TMEM200C: variants seen among roughly 807,000 people sequenced by gnomAD.
TMEM200C encodes transmembrane protein 200C, also known as transmembrane protein TTMA.
For synonymous variants in TMEM200C, 462 were observed against 324.7 expected, an observed-to-expected ratio of 1.42 and a Z score of -4.55; for missense variants, 966 against 699.9, an observed-to-expected ratio of 1.38 and a Z score of -4.29.
chr18:5,889,435 C>G (rs550136605), exon 3 of TMEM200C: 1 of 152,254 alleles, frequency 6.6e-6, no homozygotes, highest in East Asian at 1.9e-4. Context: ...TCGGAAACTT[C>G]TTTTATTAAA....
In TMEM200C at chr18:5,890,472, G is replaced by GAT. The variant is rs1158437801; in HGVS notation, c.1590_1591dup (p.Ser531TyrfsTer25). ...GGGTGTGTAGCCCTTATTGCTGCTG[G>GAT]ATGGGTCATCCGACTGGGAGCTCCC... is the stretch of plus-strand genomic sequence containing the variant. On this transcript the variant is annotated frameshift_variant, in exon 3 of 3. Coordinates refer to ENST00000581347, the Ensembl canonical transcript of TMEM200C. LOFTEE classifies it low-confidence loss of function (END_TRUNC). 1 of 1,563,728 alleles carries GAT rather than the reference G, an allele frequency of 6.4e-7. No individual in the cohort carries two copies. The highest frequency in any genetic ancestry group is 1.8e-5 in the Admixed American group (1 of 55,106).
exon 3 of TMEM200C, chr18:5,890,787 C>T (rs1364582112): frequency 1.5e-6 from 1 of 649,682 alleles, no homozygotes; most frequent in Admixed American, 2.3e-5. Flanking sequence ...CTCTGCGCCG[C>T]GGAGGTTGGT....
chr18:5,891,173 C>G lies in TMEM200C; in HGVS notation c.891G>C (p.Arg297=). ...CCAGGTCCGGCGGGGACGCGGCGCC[C>G]CGAGGGCGGCCGCCGCTCGGCGCCG... The change falls in exon 3 of 3, where the codon CGG becomes CGC. Residue 297 remains arginine, a synonymous_variant. Transcript: ENST00000581347. This position sits in a 1 kb window ranked among gnomAD's most constrained non-coding sequence, Gnocchi z 4.7. 1 of 687,732 alleles carries G rather than the reference C, an allele frequency of 1.5e-6. No homozygotes were observed. The highest frequency in any genetic ancestry group is 2.0e-6 in the Non-Finnish European group (1 of 490,158). The allele number at this position is 687,732 out of a possible 1,614,324, so 42.6% of individuals were successfully genotyped here.
exon 3 of TMEM200C, chr18:5,887,036 T>C (rs553720266): frequency 6.4e-4 from 97 of 152,336 alleles, no homozygotes; most frequent in African/African-American, 2.3e-3. Flanking sequence ...GGGACATTAT[T>C]ATTCCTATAG....
At chr18:5,893,154 C>T (rs893805585) in intron 2 of TMEM200C, among the ~76,000 whole-genome samples, 8 of 152,188 alleles carry the variant, frequency 5.3e-5, no homozygotes, top group African/African-American at 1.9e-4. Flanking sequence ...TAATAGCTTT[C>T]TGACCCCTTA....
chr18:5,889,063 T>C (rs537925077), exon 3 of TMEM200C: 2 of 152,236 alleles, frequency 1.3e-5, no homozygotes, highest in South Asian at 4.1e-4. Flanking sequence ...TAAAACATTA[T>C]CTTTTTGTCT....
exon 3 of TMEM200C, chr18:5,883,299 TA>T (rs1334655404): frequency 1.2e-5 from 1 of 80,764 alleles, no homozygotes; most frequent in Non-Finnish European, 2.9e-5. Context: ...TTAATAAAAT[TA>T]TTTTTTTTTT....
intron 2 of TMEM200C, 51 bp from the exon 2 acceptor site, chr18:5,892,208 A>G (rs1487572121): frequency 2.5e-6 from 2 of 789,546 alleles, no homozygotes; most frequent in Non-Finnish European, 3.9e-6. Context: ...CTGCAGTGAC[A>G]TCTCACGCTG....
exon 3 of TMEM200C, chr18:5,883,500 A>T (rs139195183): frequency 1.1e-4 from 16 of 152,256 alleles, no homozygotes; most frequent in Middle Eastern, 6.8e-3. Flanking sequence ...GTGCCAGTCC[A>T]CAAACAATAC....
exon 3 of TMEM200C, chr18:5,889,120 A>C (rs2095167607): frequency 6.6e-6 from 1 of 152,270 alleles, no homozygotes; most frequent in Admixed American, 6.5e-5. Flanking sequence ...AGTGATAGCC[A>C]AGAGGATGGG....
chr18:5,890,920 G>T, exon 3 of TMEM200C: 1 of 678,680 alleles, frequency 1.5e-6, no homozygotes, highest in Middle Eastern at 2.8e-4. Flanking sequence ...TGCAAGGGCA[G>T]CAGCGCGAAG....
chr18:5,891,090 A>C lies in TMEM200C; in HGVS notation c.974T>G (p.Val325Gly). The C allele has an allele frequency of 1.9e-6, 1 of 526,136 alleles. No homozygotes were observed. The highest frequency in any genetic ancestry group is 3.3e-6 in the Non-Finnish European group (1 of 306,742). The allele number at this position is 526,136 out of a possible 1,614,324, so 32.6% of individuals were successfully genotyped here. The change falls in exon 3 of 3, where the codon GTC (valine) becomes GGC (glycine). Residue 325 changes from valine (V) to glycine (G), a missense_variant. Transcript: ENST00000581347. The surrounding 1 kb of genome is among the most constrained non-coding windows in gnomAD (Gnocchi z 4.7). The stretch of plus-strand genomic sequence containing the variant: ...TGCCACGCCCGAGCGCTCGCGGTAG[A>C]CGCTGTACACGGCCTCGGCCAGGCT...
chr18:5,887,156 ATT>A (rs2095165992), exon 3 of TMEM200C: 1 of 152,188 alleles, frequency 6.6e-6, no homozygotes, highest in Admixed American at 6.5e-5. Context: ...AATTGTTGCA[ATT>A]ATTTTAATTT....
chr18:5,893,169 G>A (rs183635573), intron 2 of TMEM200C, among the ~76,000 whole-genome samples: 1 of 152,244 alleles, frequency 6.6e-6, no homozygotes, highest in East Asian at 1.9e-4. Flanking sequence ...CCCTTATTAA[G>A]GTGCCAAGAG....
rs1449003166 is a variant in TMEM200C, at chr18:5,884,667, C to T, written c.*5531G>A. On this transcript the variant is annotated 3_prime_UTR_variant, in exon 3 of 3. Transcript: ENST00000581347. Reference sequence around the variant, plus strand: ...CAGCTGCTTACTATACAGGTGAAATCAGGTGTTTTTTAGGTTGTGTCTATA... The same window carrying T: ...CAGCTGCTTACTATACAGGTGAAATTAGGTGTTTTTTAGGTTGTGTCTATA... 4 of 152,116 alleles carry T rather than the reference C, an allele frequency of 2.6e-5. No homozygotes were observed. In the East Asian group the frequency reaches 7.7e-4, roughly 29 times the overall value. The allele number at this position is 152,116 out of a possible 1,614,324, so 9.4% of individuals were successfully genotyped here. A position where few individuals can be genotyped will look rare whatever the true frequency, so the allele number is the denominator to read the frequency against.
Position 5,891,362 on chromosome 18 carries a change from C to T in TMEM200C, c.702G>A (p.Ser234=). The change falls in exon 3 of 3, where the codon TCG becomes TCA. Residue 234 remains serine, a synonymous_variant. Transcript: ENST00000581347. The surrounding 1 kb of genome is among the most constrained non-coding windows in gnomAD (Gnocchi z 4.7). ...CGGGGGGCGCCGCGGCGGGGGCAGA[C>T]GACGACGAAGAGGCGGCGGCGGCCG... The T allele has an allele frequency of 7.4e-7, 1 of 1,346,164 alleles. No homozygotes were observed. Among genetic ancestry groups the T allele is most frequent in the Non-Finnish European group, 9.5e-7 (1 of 1,052,724 alleles). 83.4% of individuals were successfully genotyped at this position (1,346,164 alleles called of 1,614,324 possible). A position where few individuals can be genotyped will look rare whatever the true frequency, so the allele number is the denominator to read the frequency against.
rs990377539 is a variant in TMEM200C at position 5,892,593 on chromosome 18, T to C, written c.-94-436A>G. ...CAGTCCTTCAGGAATTGGAAGATTT[T>C]TCAAGGGAGCTGTCACAGGAGTTTC... On this transcript the variant is annotated intron_variant, in intron 2 of 2. Transcript: ENST00000581347. Among the ~76,000 whole-genome samples the C allele has an allele frequency of 3.9e-5, 6 of 152,154 alleles. No homozygotes were observed. The East Asian group carries it at 1.2e-3, about 29-fold the overall frequency.
exon 3 of TMEM200C, chr18:5,884,205 A>G (rs1489442141): frequency 6.6e-6 from 1 of 152,114 alleles, no homozygotes; most frequent in African/African-American, 2.4e-5. Flanking sequence ...TTTTTCCAAA[A>G]TAAACACCTC....
In TMEM200C at chr18:5,891,388, CGG is replaced by C; in HGVS notation, c.674_675del (p.Ala225GlyfsTer123). ...GACGACGAAGAGGCGGCGGCGGCCG[CGG>C]CGGCGGCCGCGGCGGCCGCCAGGTC... On this transcript the variant is annotated frameshift_variant, in exon 3 of 3. Transcript: ENST00000581347. LOFTEE classifies it low-confidence loss of function (END_TRUNC). The surrounding 1 kb of genome is among the most constrained non-coding windows in gnomAD (Gnocchi z 4.7). The C allele has an allele frequency of 7.5e-7, 1 of 1,340,886 alleles. No homozygotes were observed. The highest frequency in any genetic ancestry group is 2.1e-5 in the South Asian group (1 of 47,292). The allele number at this position is 1,340,886 out of a possible 1,614,324, so 83.1% of individuals were successfully genotyped here.
Sources: allele counts gnomAD v4.1 joint callset (sites outside exome capture counted in the v4.1 genomes callset), GRCh38; gene constraint gnomAD v4.1.1; non-coding constraint Gnocchi (gnomAD v3.1); transcripts MANE v1.5; gene names NCBI Gene and HGNC (gene_info 2026-07-23, HGNC 2026-07-21).